Variants in HORMAD2 observed in about 807,000 individuals in gnomAD.
HORMAD2 encodes the protein HORMA domain-containing protein 2.
In HORMAD2, 45 loss-of-function variants were observed where a neutral mutation model predicts 38.8. The observed-to-expected ratio is 1.16, with a 90% CI of 0.91 to 1.49. The LOEUF (loss-of-function observed/expected upper bound fraction) is 1.49, where lower values mean the gene tolerates loss of function less well. Among genes scored for constraint, HORMAD2 ranks in the 40% most tolerant of loss-of-function variants. HORMAD2 has a pLI of 0.00. For missense variants in HORMAD2, 338 were observed against 367.0 expected (o/e 0.92, Z 0.65); for synonymous variants, 126 against 122.8 (o/e 1.03, Z -0.17).
rs150503959 is a variant in HORMAD2 at position 30,087,760 on chromosome 22, A to T, written c.-37-6156A>T. On this transcript the variant is annotated intron_variant, in intron 1 of 10. Coordinates refer to ENST00000336726, the MANE Select transcript of HORMAD2 (RefSeq NM_152510.4). ...GTTCTACACACCTTTAAACAACCAG[A>T]TCTTGCAATAACTCACTCACTTACT... Among the ~76,000 whole-genome samples, 1,108 of 152,108 alleles carry T rather than the reference A, an allele frequency of 7.3e-3. 11 individuals carry two copies. Among genetic ancestry groups the T allele is most frequent in the Non-Finnish European group, 0.012 (816 of 67,970 alleles).
At chr22:30,119,478 A>T (rs561806752) in intron 8 of HORMAD2, among the ~76,000 whole-genome samples, 41 of 152,328 alleles carry the variant, frequency 2.7e-4, no homozygotes, top group African/African-American at 9.6e-4. Context: ...AGTATGTCAT[A>T]TAAATATCAT....
intron 1 of HORMAD2, among the ~76,000 whole-genome samples, chr22:30,089,336 G>A (rs956367131): frequency 5.9e-5 from 9 of 151,368 alleles, no homozygotes; most frequent in Non-Finnish European, 8.8e-5. Flanking sequence ...TAAAGAAAAG[G>A]GAAAATTTGC....
At chr22:30,104,115 C>A (rs1365313718) in intron 4 of HORMAD2, among the ~76,000 whole-genome samples, 1 of 151,546 alleles carries the variant, frequency 6.6e-6, no homozygotes, top group African/African-American at 2.4e-5. Context: ...TATTATGTAC[C>A]CACACAGATT....
At chr22:30,154,388 G>A (rs1924939907) in intron 10 of HORMAD2, among the ~76,000 whole-genome samples, 1 of 152,138 alleles carries the variant, frequency 6.6e-6, no homozygotes, top group South Asian at 2.1e-4. Context: ...TTTATTTTCT[G>A]AGCCATTTGC....
chr22:30,144,217 T>C (rs1924268170), intron 10 of HORMAD2, among the ~76,000 whole-genome samples: 1 of 152,208 alleles, frequency 6.6e-6, no homozygotes, highest in South Asian at 2.1e-4. Context: ...CATATATTAC[T>C]CTACAGTTTA....
intron 10 of HORMAD2, among the ~76,000 whole-genome samples, chr22:30,156,150 C>CTCTG (rs1925060352): frequency 6.6e-6 from 1 of 152,236 alleles, no homozygotes; most frequent in Non-Finnish European, 1.5e-5. Flanking sequence ...ACTGCACAGG[C>CTCTG]TCTGATACAG....
chr22:30,092,221 A>T (rs760874881), intron 1 of HORMAD2, among the ~76,000 whole-genome samples: 2 of 151,912 alleles, frequency 1.3e-5, no homozygotes, highest in Non-Finnish European at 2.9e-5. Flanking sequence ...AACTGTGGGG[A>T]GATGATATCT....
chr22:30,144,754 C>G (rs564081751), intron 10 of HORMAD2, among the ~76,000 whole-genome samples: 3 of 152,116 alleles, frequency 2.0e-5, no homozygotes, highest in Non-Finnish European at 4.4e-5. Flanking sequence ...CTAGGCAGAA[C>G]TTCCATTTCA....
At chr22:30,137,337 T>C in intron 10 of HORMAD2, 2 of 510,396 alleles carry the variant, frequency 3.9e-6, no homozygotes, top group East Asian at 9.6e-5. Flanking sequence ...TTCCCATAGT[T>C]ATTATACTGA....
intron 10 of HORMAD2, among the ~76,000 whole-genome samples, chr22:30,129,712 A>G (rs978528796): frequency 6.6e-6 from 1 of 151,916 alleles, no homozygotes; most frequent in Admixed American, 6.6e-5. Context: ...CTCTCACTAC[A>G]TTGCCCAGGC....
At chr22:30,157,208 C>G (rs1925134431) in intron 10 of HORMAD2, among the ~76,000 whole-genome samples, 1 of 152,156 alleles carries the variant, frequency 6.6e-6, no homozygotes, top group South Asian at 2.1e-4. Context: ...CTTTACAGTC[C>G]ACTTACAAGG....
the HORMAD2 span, among the ~76,000 whole-genome samples, chr22:30,193,334 G>T: frequency 1.3e-5 from 2 of 152,198 alleles, no homozygotes; most frequent in African/African-American, 4.8e-5. Flanking sequence ...TCAGGTATGA[G>T]GTTGGGCAGT....
intron 10 of HORMAD2, among the ~76,000 whole-genome samples, chr22:30,156,598 C>A (rs1024512884): frequency 1.3e-5 from 2 of 152,166 alleles, no homozygotes; most frequent in Non-Finnish European, 2.9e-5. Flanking sequence ...TGATGCCTGA[C>A]GCCCTTGGAT....
At chr22:30,180,894 CTTCCCTTTCCCT>C (rs1160047516), downstream of HORMAD2, among the ~76,000 whole-genome samples, 1 of 113,046 alleles carries the variant, frequency 8.8e-6, no homozygotes, top group African/African-American at 6.1e-5. Flanking sequence ...CTTTCCCTTC[CTTCCCTTTCCCT>C]TTCCCTTTCC....
At chr22:30,155,212 G>A (rs1249007876) in intron 10 of HORMAD2, among the ~76,000 whole-genome samples, 2 of 151,948 alleles carry the variant, frequency 1.3e-5, no homozygotes, top group Non-Finnish European at 2.9e-5. Context: ...CTTGATTAAG[G>A]TGGTGTCTGC....
intron 8 of HORMAD2, among the ~76,000 whole-genome samples, chr22:30,120,513 A>AT (rs1372143329): frequency 2.0e-5 from 3 of 152,220 alleles, no homozygotes; most frequent in Non-Finnish European, 4.4e-5. Flanking sequence ...TAAATATATT[A>AT]TAGTCATGGT....
chr22:30,119,294 C>T (rs1922273724), intron 8 of HORMAD2, among the ~76,000 whole-genome samples: 1 of 152,174 alleles, frequency 6.6e-6, no homozygotes. Context: ...GTTGCCTACA[C>T]GCTATTGATT....
At chr22:30,088,086 CAT>C (rs1387259697) in intron 1 of HORMAD2, among the ~76,000 whole-genome samples, 1 of 148,580 alleles carries the variant, frequency 6.7e-6, no homozygotes, top group Non-Finnish European at 1.5e-5. Context: ...CACACGTGTA[CAT>C]ATACACACAC....
intron 8 of HORMAD2, among the ~76,000 whole-genome samples, chr22:30,119,370 C>T (rs950333266): frequency 4.6e-5 from 7 of 152,148 alleles, no homozygotes; most frequent in African/African-American, 7.2e-5. Context: ...GCCTAGATAG[C>T]GATCCTTTCC....
Sources: allele counts gnomAD v4.1 joint callset (sites outside exome capture counted in the v4.1 genomes callset), GRCh38; gene constraint gnomAD v4.1.1; transcripts MANE v1.5; gene names NCBI Gene and HGNC (gene_info 2026-07-23, HGNC 2026-07-21).